The following KCNN3 variants were observed in gnomAD, a reference collection of about 807,000 sequenced individuals.
The protein encoded by KCNN3 is small conductance calcium-activated potassium channel protein 3.
Under a neutral mutation model 62.9 loss-of-function variants are expected in KCNN3, and 16 were observed. The ratio of observed to expected loss-of-function variants is 0.25; its 90% confidence interval spans 0.17 to 0.39. The LOEUF (loss-of-function observed/expected upper bound fraction) is 0.39. Among genes scored for constraint, KCNN3 ranks in the 10% least tolerant of loss-of-function variants. The pLI is 1.00. For synonymous variants in KCNN3, 370 were observed against 389.2 expected (o/e 0.95, Z 0.58); for missense variants, 599 against 949.4 (o/e 0.63, Z 4.85).
intron 1 of KCNN3, among the ~76,000 whole-genome samples, chr1:154,846,635 C>G (rs1433220141): frequency 2.6e-5 from 4 of 152,196 alleles, no homozygotes; most frequent in African/African-American, 9.7e-5. Flanking sequence ...TACCCTACTG[C>G]CATTGGGTGT....
At chr1:154,766,318 A>G (rs1648270301) in intron 3 of KCNN3, among the ~76,000 whole-genome samples, 1 of 150,386 alleles carries the variant, frequency 6.6e-6, no homozygotes, top group Non-Finnish European at 1.5e-5. Context: ...CTACCAATTA[A>G]AAATTTTTTG....
At chr1:154,759,592 A>G (rs555638914) in intron 3 of KCNN3, among the ~76,000 whole-genome samples, 1 of 152,320 alleles carries the variant, frequency 6.6e-6, no homozygotes, top group South Asian at 2.1e-4. Context: ...TCTCTCCTAC[A>G]CACCCAGCAT....
chr1:154,830,788 A>T (rs1651349816), intron 1 of KCNN3, among the ~76,000 whole-genome samples: 1 of 152,186 alleles, frequency 6.6e-6, no homozygotes. Flanking sequence ...CAGGACACCA[A>T]TTAAGAGAAA....
chr1:154,697,803 A>T lies in KCNN3; in HGVS notation c.*10173T>A, dbSNP rs186826971. On this transcript the variant is annotated 3_prime_UTR_variant, in exon 8 of 8. Transcript: ENST00000271915. ...AACTGAAGCCTGTAAGTTTTCATTC[A>T]CTCCTAAAGTGTGCTGAGAAATCCT... The T allele has an allele frequency of 7.2e-5, 11 of 152,042 alleles. No individual in the cohort carries two copies. The highest frequency in any genetic ancestry group is 7.2e-4 in the Admixed American group (11 of 15,268). 9.4% of individuals were successfully genotyped at this position (152,042 alleles called of 1,614,324 possible).
chr1:154,859,980 C>T, intron 1 of KCNN3: 1 of 677,740 alleles, frequency 1.5e-6, no homozygotes, highest in East Asian at 3.3e-5. Context: ...CAAGGCTCTG[C>T]TCAGAATACA....
At chr1:154,820,581 A>G (rs1190295284) in intron 2 of KCNN3, among the ~76,000 whole-genome samples, 1 of 152,136 alleles carries the variant, frequency 6.6e-6, no homozygotes, top group Non-Finnish European at 1.5e-5. Flanking sequence ...CGGAGCCCAG[A>G]CTGTCAACTT....
intron 4 of KCNN3, among the ~76,000 whole-genome samples, chr1:154,732,585 A>G (rs13376272): frequency 0.016 from 2,393 of 152,276 alleles, 74 homozygotes; most frequent in African/African-American, 0.054. Context: ...CCAGCTAAAC[A>G]TGATCAGAAA....
At chr1:154,826,046 TAAAAAA>T (rs1199878091) in intron 1 of KCNN3, among the ~76,000 whole-genome samples, 1 of 86,158 alleles carries the variant, frequency 1.2e-5, no homozygotes, top group African/African-American at 5.5e-5. Context: ...GACTCCATCT[TAAAAAA>T]AAACAAAAAC....
At chr1:154,819,292 C>T (rs34204701) in intron 2 of KCNN3, among the ~76,000 whole-genome samples, 32,942 of 151,964 alleles carry the variant, frequency 0.22, 3,837 homozygotes, top group African/African-American at 0.28. Context: ...AACTGAGGCC[C>T]GAGACCAAAA....
intron 3 of KCNN3, among the ~76,000 whole-genome samples, chr1:154,759,526 C>T (rs1486248981): frequency 6.6e-6 from 1 of 152,140 alleles, no homozygotes; most frequent in Non-Finnish European, 1.5e-5. Flanking sequence ...GGTGGGGGAG[C>T]GGGTGAGAAT....
At chr1:154,811,989 A>T (rs1298194912) in intron 2 of KCNN3, among the ~76,000 whole-genome samples, 1 of 152,154 alleles carries the variant, frequency 6.6e-6, no homozygotes, top group Non-Finnish European at 1.5e-5. Flanking sequence ...CCTGAGCTTA[A>T]TTGAGTGCCA....
rs543427001 is a variant in KCNN3, at chr1:154,828,061, G to A, written c.934-5877C>T. Among the ~76,000 whole-genome samples the A allele has an allele frequency of 2.0e-5, 3 of 152,218 alleles. No individual in the cohort carries two copies. The South Asian group carries it at 6.2e-4, about 32-fold the overall frequency. On this transcript the variant is annotated intron_variant, in intron 1 of 7. Transcript: ENST00000271915. ...CTCTGGGGACTCCAGAGGGCAGCTGGACCTCTGACCAGCCTGAGAAGGGAG... is the reference window on the plus strand; with the variant it reads ...CTCTGGGGACTCCAGAGGGCAGCTGAACCTCTGACCAGCCTGAGAAGGGAG...
intron 3 of KCNN3, among the ~76,000 whole-genome samples, chr1:154,763,050 A>G (rs773840072): frequency 1.1e-3 from 169 of 152,164 alleles, no homozygotes; most frequent in Non-Finnish European, 1.9e-3. Context: ...TTTCAGTTTT[A>G]TAATACATTT....
intron 2 of KCNN3, among the ~76,000 whole-genome samples, chr1:154,799,477 A>G (rs1649864932): frequency 6.6e-6 from 1 of 152,230 alleles, no homozygotes; most frequent in Non-Finnish European, 1.5e-5. Context: ...TGAACTGTCC[A>G]AAGAGCGTAG....
At chr1:154,831,368 A>G (rs532118925) in intron 1 of KCNN3, among the ~76,000 whole-genome samples, 7 of 152,350 alleles carry the variant, frequency 4.6e-5, no homozygotes, top group Non-Finnish European at 1.0e-4. Flanking sequence ...AAGCCCATCA[A>G]GCACCAATAG....
intron 3 of KCNN3, among the ~76,000 whole-genome samples, chr1:154,734,761 T>G (rs928676895): frequency 6.6e-6 from 1 of 152,224 alleles, no homozygotes; most frequent in Non-Finnish European, 1.5e-5. Flanking sequence ...GCTGGCACTT[T>G]GTACGCAAAC....
intron 2 of KCNN3, among the ~76,000 whole-genome samples, chr1:154,779,446 G>A (rs1571267047): frequency 6.6e-6 from 1 of 152,178 alleles, no homozygotes; most frequent in Non-Finnish European, 1.5e-5. Context: ...GTGACTGGAT[G>A]GGGAGGAGAT....
chr1:154,733,228 A>G lies in KCNN3; in HGVS notation c.1449-84T>C, dbSNP rs561339054. ...TGGGCAAACCTAGAGCGGGGAAGGAAATGAGATATTTTGCTGAGGAAGAGG... is the reference window on the plus strand; with the variant it reads ...TGGGCAAACCTAGAGCGGGGAAGGAGATGAGATATTTTGCTGAGGAAGAGG... On this transcript the variant is annotated intron_variant, in intron 3 of 7. Transcript: ENST00000271915. The G allele has an allele frequency of 4.4e-5, 63 of 1,427,756 alleles. No individual in the cohort carries two copies. The East Asian group carries it at 1.3e-3, about 30-fold the overall frequency. The allele number at this position is 1,427,756 out of a possible 1,614,324, so 88.4% of individuals were successfully genotyped here. A position where few individuals can be genotyped will look rare whatever the true frequency, so the allele number is the denominator to read the frequency against.
Position 154,778,611 on chromosome 1 carries a change from C to CTTTTT in KCNN3, c.1030-6223_1030-6219dup, listed in dbSNP as rs11459390. Among the ~76,000 whole-genome samples the CTTTTT allele has an allele frequency of 4.8e-4, 35 of 73,634 alleles. 1 individual carries two copies. Among genetic ancestry groups the CTTTTT allele is most frequent in the Admixed American group, 8.3e-4 (4 of 4,792 alleles). 48.3% of individuals were successfully genotyped at this position (73,634 alleles called of 152,430 possible). On this transcript the variant is annotated intron_variant, in intron 2 of 7. Transcript: ENST00000271915. ...TTTCTCTCTCCCTCTCTCTCTGTCT[C>CTTTTT]TTTTTTTTTTTTTTTTTTTTTTTTT...
Sources: allele counts gnomAD v4.1 joint callset (sites outside exome capture counted in the v4.1 genomes callset), GRCh38; gene constraint gnomAD v4.1.1; transcripts MANE v1.5; gene names NCBI Gene and HGNC (gene_info 2026-07-23, HGNC 2026-07-21).